Variants in CCBE1 observed in about 807,000 individuals in gnomAD.
The protein encoded by CCBE1 is collagen and calcium-binding EGF domain-containing protein 1.
Under a neutral mutation model 50.0 loss-of-function variants are expected in CCBE1, and 37 were observed. The ratio of observed to expected loss-of-function variants is 0.74; its 90% CI spans 0.57 to 0.97. CCBE1 has a LOEUF of 0.97. Ranked by LOEUF, CCBE1 falls within the 50% of genes least tolerant of loss-of-function variation. The probability of loss-of-function intolerance (pLI) is 0.00; values close to 1 mark genes in which losing one functional copy is unlikely to be tolerated. For synonymous variants in CCBE1, 234 were observed against 203.7 expected (o/e 1.15, Z -1.27); for missense variants, 538 against 523.8 (o/e 1.03, Z -0.26).
In CCBE1 at chr18:59,480,245, GACAA is replaced by G. The variant is rs1398945686; in HGVS notation, c.213-11_213-8del. On this transcript the variant is annotated splice_region_variant and splice_polypyrimidine_tract_variant and intron_variant, in intron 2 of 10. Coordinates refer to ENST00000439986, the MANE Select transcript of CCBE1 (RefSeq NM_133459.4). Reference sequence around the variant, plus strand: ...TCCTTTGCAGCACTTTTTCCTAAGAGACAAACAAACATTTAAAATATAATAATTA... The same window carrying G: ...TCCTTTGCAGCACTTTTTCCTAAGAGACAAACATTTAAAATATAATAATTA... 13 of 1,575,548 alleles carry G rather than the reference GACAA, an allele frequency of 8.3e-6. No individual in the cohort carries two copies. Among genetic ancestry groups the G allele is most frequent in the South Asian group, 6.7e-5 (6 of 89,840 alleles).
chr18:59,659,307 T>TC lies in CCBE1; in HGVS notation c.212+37321dup, dbSNP rs1555704997. 1.3e-4 allele frequency among the ~76,000 whole-genome samples: 20 copies of TC among 152,030 alleles called. No individual in the cohort carries two copies. The South Asian group carries it at 3.1e-3, about 24-fold the overall frequency. On this transcript the variant is annotated intron_variant, in intron 2 of 10. Coordinates refer to ENST00000439986, the MANE Select transcript of CCBE1 (RefSeq NM_133459.4). Reference sequence around the variant, plus strand: ...AAAGAATTTACATGTTTTTTTTTTTTCAAACAGCAACCAACTTTAAATGTT... The same window carrying TC: ...AAAGAATTTACATGTTTTTTTTTTTTCCAAACAGCAACCAACTTTAAATGTT...
chr18:59,647,466 G>C (rs757210980), intron 2 of CCBE1, among the ~76,000 whole-genome samples: 1 of 152,118 alleles, frequency 6.6e-6, no homozygotes, highest in Non-Finnish European at 1.5e-5. Context: ...ATACTTTGTA[G>C]TTTTCTGTAT....
chr18:59,495,826 C>T lies in CCBE1; in HGVS notation c.213-15588G>A, dbSNP rs200044068. 1.1e-4 allele frequency among the ~76,000 whole-genome samples: 16 copies of T among 152,228 alleles called. No individual in the cohort carries two copies. The East Asian group carries it at 3.1e-3, about 29-fold the overall frequency. On this transcript the variant is annotated intron_variant, in intron 2 of 10. Transcript: ENST00000439986. ...GCCGCCCTGGTTCTCCAGGCAACTG[C>T]CGCTCTCGGGTGGTAATGACCTCTG...
intron 2 of CCBE1, among the ~76,000 whole-genome samples, chr18:59,673,559 T>G (rs550247225): frequency 6.6e-6 from 1 of 152,332 alleles, no homozygotes; most frequent in African/African-American, 2.4e-5. Context: ...CTTCTTACAA[T>G]CATTGTTATT....
At chr18:59,677,768 G>A (rs1181192375) in intron 2 of CCBE1, among the ~76,000 whole-genome samples, 3 of 152,138 alleles carry the variant, frequency 2.0e-5, no homozygotes, top group Non-Finnish European at 2.9e-5. Context: ...AGGCCTCAAT[G>A]CTCTGGGCCA....
intron 2 of CCBE1, among the ~76,000 whole-genome samples, chr18:59,638,143 T>A (rs1404172974): frequency 2.0e-5 from 3 of 152,230 alleles, no homozygotes; most frequent in Non-Finnish European, 2.9e-5. Flanking sequence ...AACTTAGGAA[T>A]GCAGAGTTTG....
chr18:59,620,694 C>G (rs2053699960), intron 2 of CCBE1, among the ~76,000 whole-genome samples: 3 of 152,266 alleles, frequency 2.0e-5, no homozygotes, highest in Non-Finnish European at 2.9e-5. Context: ...AAGGGGAGTT[C>G]CCCTGCACAA....
chr18:59,666,497 C>T (rs2054359073), intron 2 of CCBE1, among the ~76,000 whole-genome samples: 1 of 152,074 alleles, frequency 6.6e-6, no homozygotes, highest in Non-Finnish European at 1.5e-5. Flanking sequence ...CCAGCAACTG[C>T]AATCACCCAG....
intron 2 of CCBE1, among the ~76,000 whole-genome samples, chr18:59,638,869 TA>T (rs2053948130): frequency 6.7e-6 from 1 of 150,352 alleles, no homozygotes; most frequent in South Asian, 2.1e-4. Context: ...GAACATTTCA[TA>T]AAAAGATTAA....
chr18:59,467,638 T>C (rs565681069), intron 4 of CCBE1, among the ~76,000 whole-genome samples: 1 of 152,268 alleles, frequency 6.6e-6, no homozygotes, highest in East Asian at 1.9e-4. Context: ...ACAAAAACGT[T>C]TCCCACCACG....
chr18:59,493,203 A>C (rs146416022), intron 2 of CCBE1, among the ~76,000 whole-genome samples: 1 of 152,354 alleles, frequency 6.6e-6, no homozygotes, highest in African/African-American at 2.4e-5. Context: ...GATCTGAGAT[A>C]GTCTTTCTTA....
rs1180718828 is a variant in CCBE1 at position 59,591,114 on chromosome 18, T to C, written c.212+105515A>G. On this transcript the variant is annotated intron_variant, in intron 2 of 10. Coordinates refer to ENST00000439986, the MANE Select transcript of CCBE1 (RefSeq NM_133459.4). ...AAAAAAAATTAGCCGGGCGTGATGGTGGGCGCCTGTAGTCCCAGCTACTCG... is the reference window on the plus strand; with the variant it reads ...AAAAAAAATTAGCCGGGCGTGATGGCGGGCGCCTGTAGTCCCAGCTACTCG... Among the ~76,000 whole-genome samples, 10 of 86,830 alleles carry C rather than the reference T, an allele frequency of 1.2e-4. 3 individuals are homozygous for C. Among genetic ancestry groups the C allele is most frequent in the Admixed American group, 5.6e-4 (5 of 8,910 alleles). The allele number at this position is 86,830 out of a possible 152,430, so 57.0% of individuals were successfully genotyped here. A position where few individuals can be genotyped will look rare whatever the true frequency, so the allele number is the denominator to read the frequency against.
At chr18:59,467,926 C>A (rs9959290) in intron 4 of CCBE1, among the ~76,000 whole-genome samples, 1 of 152,118 alleles carries the variant, frequency 6.6e-6, no homozygotes, top group South Asian at 2.1e-4. Flanking sequence ...GCTGCATCCT[C>A]CTCTGCAATT....
At chr18:59,585,804 A>C (rs1202242916) in intron 2 of CCBE1, among the ~76,000 whole-genome samples, 1 of 152,204 alleles carries the variant, frequency 6.6e-6, no homozygotes, top group Non-Finnish European at 1.5e-5. Context: ...CATAGGCATT[A>C]ATATCATTTA....
At chr18:59,451,531 C>G (rs886684081) in intron 6 of CCBE1, among the ~76,000 whole-genome samples, 1 of 151,722 alleles carries the variant, frequency 6.6e-6, no homozygotes, top group Non-Finnish European at 1.5e-5. Flanking sequence ...TGACAGGCAT[C>G]GAATCTATCC....
intron 2 of CCBE1, among the ~76,000 whole-genome samples, chr18:59,664,077 G>C (rs1277141882): frequency 1.3e-5 from 2 of 152,154 alleles, no homozygotes; most frequent in Non-Finnish European, 2.9e-5. Flanking sequence ...TCTGCGATTA[G>C]GATGCCAGCA....
At chr18:59,501,794 T>C (rs532106870) in intron 2 of CCBE1, among the ~76,000 whole-genome samples, 1 of 152,260 alleles carries the variant, frequency 6.6e-6, no homozygotes, top group Non-Finnish European at 1.5e-5. Context: ...TAAGTCAGAA[T>C]CTCTGAGGCA....
chr18:59,627,482 C>G (rs1278253226), intron 2 of CCBE1, among the ~76,000 whole-genome samples: 2 of 152,152 alleles, frequency 1.3e-5, no homozygotes, highest in Non-Finnish European at 2.9e-5. Context: ...CTTCCTGGTA[C>G]CGGAGAAATA....
At chr18:59,594,466 T>C (rs750523597) in intron 2 of CCBE1, among the ~76,000 whole-genome samples, 1 of 152,196 alleles carries the variant, frequency 6.6e-6, no homozygotes, top group Non-Finnish European at 1.5e-5. Flanking sequence ...GTACTGGAGA[T>C]GGATGATGAT....
Sources: allele counts gnomAD v4.1 joint callset (sites outside exome capture counted in the v4.1 genomes callset), GRCh38; gene constraint gnomAD v4.1.1; transcripts MANE v1.5; gene names NCBI Gene and HGNC (gene_info 2026-07-23, HGNC 2026-07-21).